TEX11: variants seen among roughly 807,000 people sequenced by gnomAD.
The protein encoded by TEX11 is testis expressed 11.
Under a neutral mutation model 84.4 loss-of-function variants are expected in TEX11, and 7 were observed. That is an observed-to-expected ratio of 0.08 (90% CI 0.05 to 0.16). The LOEUF (loss-of-function observed/expected upper bound fraction) is 0.16, where lower values mean the gene tolerates loss of function less well. Ranked by LOEUF, TEX11 falls within the 10% of genes least tolerant of loss-of-function variation. The pLI is 1.00. For missense variants in TEX11, 551 were observed against 660.5 expected (o/e 0.83, Z 1.82); for synonymous variants, 264 against 222.8 (o/e 1.18, Z -1.64).
intron 17 of TEX11, among the ~76,000 whole-genome samples, chrX:70,647,056 A>G (rs1397091735): frequency 8.9e-6 from 1 of 111,879 alleles, no homozygotes; most frequent in African/African-American, 3.2e-5. Flanking sequence ...CAGCCTCAAT[A>G]AAAGGAGGAA....
intron 25 of TEX11, among the ~76,000 whole-genome samples, chrX:70,585,581 C>G (rs1393883757): frequency 8.9e-6 from 1 of 111,846 alleles, no homozygotes; most frequent in Non-Finnish European, 1.9e-5. Flanking sequence ...AGTTGGAGGG[C>G]CAACACTTCT....
chrX:70,541,930 T>C (rs999288901), intron 28 of TEX11, among the ~76,000 whole-genome samples: 1 of 112,107 alleles, frequency 8.9e-6, no homozygotes, highest in Non-Finnish European at 1.9e-5. Context: ...GATAGGTTTG[T>C]CTGCTTAAGC....
chrX:70,745,382 T>A lies in TEX11; in HGVS notation c.693-1163A>T, dbSNP rs1366892989. Among the ~76,000 whole-genome samples the A allele has an allele frequency of 8.2e-5, 9 of 109,430 alleles. No individual in the cohort carries two copies. The Admixed American group carries it at 8.9e-4, about 11-fold the overall frequency. On this transcript the variant is annotated intron_variant, in intron 9 of 29. Transcript: ENST00000374333. ...TTAGTATTCCAAGGGAGTATGTCAA[T>A]AAAATGTTGGTGAACTGAACTAACT... is the stretch of plus-strand genomic sequence containing the variant.
intron 7 of TEX11, among the ~76,000 whole-genome samples, chrX:70,837,448 C>T (rs908215454): frequency 1.2e-4 from 13 of 109,822 alleles, no homozygotes; most frequent in African/African-American, 4.0e-4. Context: ...TGTAATCTCA[C>T]GCTACTTGGG....
At chrX:70,676,567 G>A (rs918353108) in intron 15 of TEX11, among the ~76,000 whole-genome samples, 11 of 111,712 alleles carry the variant, frequency 9.8e-5, no homozygotes, top group East Asian at 2.8e-4. Flanking sequence ...GATTACGTGC[G>A]TTGGTGTCGT....
intron 2 of TEX11, among the ~76,000 whole-genome samples, chrX:70,897,006 C>T (rs2091769308): frequency 9.4e-6 from 1 of 106,162 alleles, no homozygotes; most frequent in Non-Finnish European, 1.9e-5. Context: ...GTGGCGTGCA[C>T]CTGCAGTCCC....
chrX:70,817,087 C>T (rs762079188), intron 8 of TEX11, among the ~76,000 whole-genome samples: 7 of 108,879 alleles, frequency 6.4e-5, no homozygotes, highest in African/African-American at 2.3e-4. Context: ...TTGAAACAGA[C>T]GATATCATGG....
rs1325231564 is a variant in TEX11 at position 70,722,670 on chromosome X, T to C, written c.952A>G (p.Met318Val). Reference protein sequence around the residue: ...EAVMEILHLDMPLDFCLNIAK... With the variant: ...EAVMEILHLDVPLDFCLNIAK... ...ATGTTCAGACAGAAGTCTAAGGGCATGTCAAGATGTAGTATTTCCATGACA... is the reference window on the plus strand; with the variant it reads ...ATGTTCAGACAGAAGTCTAAGGGCACGTCAAGATGTAGTATTTCCATGACA... Residue 318 changes from methionine to valine, a missense_variant, in exon 13 of 30, where the codon ATG (methionine) becomes GTG (valine). By Grantham distance (21) the Met-to-Val change is conservative. Transcript: ENST00000374333. The C allele has an allele frequency of 6.7e-6, 8 of 1,200,498 alleles. No individual in the cohort carries two copies. Among genetic ancestry groups the C allele is most frequent in the African/African-American group, 1.8e-5 (1 of 56,976 alleles).
At chrX:70,512,281 C>T in the TEX11 span, among the ~76,000 whole-genome samples, 2 of 107,907 alleles carry the variant, frequency 1.9e-5, 1 homozygote, top group African/African-American at 6.9e-5. Flanking sequence ...TGCAGTGTCG[C>T]GATCTTGGCT....
At chrX:70,723,983 G>A in intron 12 of TEX11, 1 of 538,323 alleles carries the variant, frequency 1.9e-6, no homozygotes, top group Non-Finnish European at 2.3e-6. Flanking sequence ...AACTATGACT[G>A]ACATTGCAAC....
chrX:70,878,259 G>A lies in TEX11; in HGVS notation c.159+1729C>T, dbSNP rs537620115. Among the ~76,000 whole-genome samples, 139 of 96,755 alleles carry A rather than the reference G, an allele frequency of 1.4e-3. 1 individual carries two copies. Among genetic ancestry groups the A allele is most frequent in the Middle Eastern group, 6.1e-3 (1 of 165 alleles). 84.0% of individuals were successfully genotyped at this position (96,755 alleles called of 115,157 possible). On this transcript the variant is annotated intron_variant, in intron 3 of 29. Coordinates refer to ENST00000374333, the MANE Select transcript of TEX11 (RefSeq NM_031276.3). ...GCAATCTCGGCTCACTGCAAGCTCCGCCTTCTGGGTTCACGCCATTCTCCT... is the reference window on the plus strand; with the variant it reads ...GCAATCTCGGCTCACTGCAAGCTCCACCTTCTGGGTTCACGCCATTCTCCT...
intron 13 of TEX11, among the ~76,000 whole-genome samples, chrX:70,706,903 C>T (rs1236217609): frequency 2.7e-5 from 3 of 111,287 alleles, no homozygotes; most frequent in African/African-American, 9.8e-5. Context: ...ATTTGGAAAC[C>T]TTCAGTGGGT....
At chrX:70,864,763 A>G (rs1446472586) in intron 4 of TEX11, among the ~76,000 whole-genome samples, 1 of 107,986 alleles carries the variant, frequency 9.3e-6, no homozygotes, top group Non-Finnish European at 1.9e-5. Flanking sequence ...AAAAAAAGAA[A>G]AGAAAAGAAT....
At chrX:70,568,739 T>C (rs2088536447) in intron 25 of TEX11, among the ~76,000 whole-genome samples, 2 of 111,834 alleles carry the variant, frequency 1.8e-5, no homozygotes, top group Admixed American at 9.5e-5. Context: ...TGGCCCCCAC[T>C]CTCTTCTGGC....
In TEX11 at chrX:70,628,087, G is replaced by A. The variant is rs188659662; in HGVS notation, c.1608+1524C>T. On this transcript the variant is annotated intron_variant, in intron 18 of 29. Transcript: ENST00000374333. ...CTACTAAAAATACAAAAATTAGTCA[G>A]GTGTGGCTGGCGCACACCTGTAATC... Among the ~76,000 whole-genome samples the A allele has an allele frequency of 2.7e-3, 295 of 110,223 alleles. 3 individuals are homozygous for A. The highest frequency in any genetic ancestry group is 8.8e-3 in the African/African-American group (268 of 30,297).
At chrX:70,644,486 G>A (rs1371427523) in intron 17 of TEX11, among the ~76,000 whole-genome samples, 4 of 108,412 alleles carry the variant, frequency 3.7e-5, no homozygotes, top group African/African-American at 6.7e-5. Context: ...CGTTTATTGC[G>A]GCATTATTCA....
intron 21 of TEX11, among the ~76,000 whole-genome samples, chrX:70,610,190 A>AGAAG (rs200527375): frequency 2.8e-5 from 2 of 71,602 alleles, no homozygotes; most frequent in African/African-American, 1.0e-4. Flanking sequence ...AAGGAGAGAA[A>AGAAG]GAAGGAAGGA....
intron 9 of TEX11, among the ~76,000 whole-genome samples, chrX:70,780,390 G>A (rs993733584): frequency 4.4e-5 from 5 of 112,744 alleles, no homozygotes; most frequent in African/African-American, 1.3e-4. Context: ...CAGCGTGATC[G>A]ACGCAGAAGA....
At chrX:70,842,733 C>T (rs2091454275) in intron 7 of TEX11, among the ~76,000 whole-genome samples, 1 of 111,482 alleles carries the variant, frequency 9.0e-6, no homozygotes, top group Non-Finnish European at 1.9e-5. Flanking sequence ...CTAGAAAACC[C>T]CATCATCTCA....
Sources: gnomAD v4.1 joint callset for allele counts (sites outside exome capture counted in the v4.1 genomes callset) on GRCh38, gnomAD v4.1.1 for gene constraint, MANE v1.5 for transcripts, NCBI Gene and HGNC (gene_info 2026-07-23, HGNC 2026-07-21) for gene names.